The following ADAM29 variants were observed in gnomAD, a reference collection of about 807,000 sequenced individuals.
ADAM29 encodes the protein ADAM metallopeptidase domain 29.
For missense variants in ADAM29, 969 were observed against 1,001.8 expected, an observed-to-expected ratio of 0.97 and a Z score of 0.44; for synonymous variants, 367 against 342.3, an observed-to-expected ratio of 1.07 and a Z score of -0.80.
chr4:174,952,570 G>A (rs1015228362), intron 4 of ADAM29, among the ~76,000 whole-genome samples: 10 of 152,074 alleles, frequency 6.6e-5, no homozygotes, highest in Non-Finnish European at 1.5e-4. Flanking sequence ...ATCTTCCACA[G>A]GAATAGTCTA....
chr4:174,944,264 T>G (rs1744710482), intron 4 of ADAM29, among the ~76,000 whole-genome samples: 2 of 151,974 alleles, frequency 1.3e-5, no homozygotes, highest in East Asian at 3.9e-4. Flanking sequence ...TCTCAAGAAG[T>G]AAACACATTC....
intron 4 of ADAM29, among the ~76,000 whole-genome samples, chr4:174,937,241 G>C (rs1029725904): frequency 4.6e-5 from 7 of 151,910 alleles, no homozygotes; most frequent in Non-Finnish European, 7.4e-5. Flanking sequence ...CCTAAAGCTA[G>C]AATGAATTGT....
intron 1 of ADAM29, among the ~76,000 whole-genome samples, chr4:174,918,776 G>A (rs112973496): frequency 1.3e-5 from 2 of 151,942 alleles, no homozygotes; most frequent in African/African-American, 4.8e-5. Flanking sequence ...AAAAAACACA[G>A]GGCAGTGATA....
Position 174,975,954 on chromosome 4 carries a change from C to T in ADAM29, c.429C>T (p.Thr143=), listed in dbSNP as rs374379916. 1.4e-5 allele frequency: 22 copies of T among 1,613,856 alleles called. No individual in the cohort carries two copies. The highest frequency in any genetic ancestry group is 1.8e-5 in the Non-Finnish European group (21 of 1,179,990). The stretch of plus-strand genomic sequence containing the variant: ...AAATCAAGCCCCTAGCATTTTCTAC[C>T]ACGTTTGAACATCTGGTATACAAGA... ...AYEIKPLAFS[T]TFEHLVYKMD... Residue 143 remains threonine, a synonymous_variant, in exon 5 of 5, where the codon ACC becomes ACT. Coordinates refer to ENST00000359240, the MANE Select transcript of ADAM29 (RefSeq NM_014269.4).
rs1157364513 is a variant in ADAM29, at chr4:174,978,001, T to C, written c.*13T>C. The C allele has an allele frequency of 1.3e-6, 2 of 1,525,270 alleles. No individual in the cohort carries two copies. The highest frequency in any genetic ancestry group is 5.0e-5 in the East Asian group (2 of 39,644). 94.5% of individuals were successfully genotyped at this position (1,525,270 alleles called of 1,614,324 possible). ...GACGCCCTCCTAGAGCCAACCTCAGTTGATGCCTTCCCAGAGTCAACCTCC... is the reference window on the plus strand; with the variant it reads ...GACGCCCTCCTAGAGCCAACCTCAGCTGATGCCTTCCCAGAGTCAACCTCC... On this transcript the variant is annotated 3_prime_UTR_variant, in exon 5 of 5. Transcript: ENST00000359240.
At chr4:174,959,829 T>C (rs1745709439) in intron 4 of ADAM29, among the ~76,000 whole-genome samples, 1 of 151,972 alleles carries the variant, frequency 6.6e-6, no homozygotes, top group Admixed American at 6.6e-5. Flanking sequence ...GTTTTCTGCA[T>C]TTTATTTTTT....
At chr4:174,957,853 G>A (rs1205228967) in intron 4 of ADAM29, among the ~76,000 whole-genome samples, 1 of 151,788 alleles carries the variant, frequency 6.6e-6, no homozygotes, top group African/African-American at 2.4e-5. Flanking sequence ...TGCGATATTT[G>A]TTTCTGTATA....
chr4:174,952,129 A>C (rs1745212836), intron 4 of ADAM29, among the ~76,000 whole-genome samples: 1 of 152,186 alleles, frequency 6.6e-6, no homozygotes, highest in African/African-American at 2.4e-5. Flanking sequence ...GTATAACAAA[A>C]ATATATGCAT....
In ADAM29 at chr4:174,977,870, T is replaced by C. The variant is rs10009483; in HGVS notation, c.2345T>C (p.Met782Thr). The change falls in exon 5 of 5, where the codon ATG (methionine) becomes ACG (threonine). Residue 782 changes from methionine to threonine, a missense_variant. Physicochemically the swap from Met to Thr is moderately conservative, Grantham distance 81 (BLOSUM62 -1). Transcript: ENST00000359240. ...CCTTCTCAGAGTCAACCTCCTGTGA[T>C]GCCTTCCCAGAGTCATCCTCAGTTG... Reference protein sequence around the residue: ...VMPSQSQPPVMPSQSHPQLTP... With the variant: ...VMPSQSQPPVTPSQSHPQLTP... 0.017 allele frequency: 26,578 copies of C among 1,572,778 alleles called. 3,474 individuals are homozygous for C. In the African/African-American group the frequency reaches 0.31, roughly 18 times the overall value.
chr4:174,938,174 T>C (rs1324082416), intron 4 of ADAM29, among the ~76,000 whole-genome samples: 5 of 151,968 alleles, frequency 3.3e-5, no homozygotes, highest in Non-Finnish European at 7.4e-5. Context: ...AAATTCTAAG[T>C]GGAGATAACA....
At chr4:174,945,120 C>T (rs1189222792) in intron 4 of ADAM29, among the ~76,000 whole-genome samples, 5 of 152,066 alleles carry the variant, frequency 3.3e-5, no homozygotes, top group Non-Finnish European at 4.4e-5. Context: ...CCCATTAGAC[C>T]TGTATAAGCA....
chr4:174,956,735 T>C (rs1435789875), intron 4 of ADAM29, among the ~76,000 whole-genome samples: 1 of 151,822 alleles, frequency 6.6e-6, no homozygotes, highest in African/African-American at 2.4e-5. Context: ...TAAACACAGA[T>C]GGAAACCCTG....
At chr4:174,949,423 G>A (rs1745042860) in intron 4 of ADAM29, among the ~76,000 whole-genome samples, 1 of 152,190 alleles carries the variant, frequency 6.6e-6, no homozygotes, top group Admixed American at 6.5e-5. Context: ...TCAAGTGTCT[G>A]TGGGGGTCAG....
chr4:174,920,994 A>G (rs1743129178), intron 2 of ADAM29, among the ~76,000 whole-genome samples: 1 of 152,164 alleles, frequency 6.6e-6, no homozygotes, highest in South Asian at 2.1e-4. Flanking sequence ...AGTTCTCACC[A>G]AGATCTCTAA....
chr4:174,943,464 A>T (rs866366114), intron 4 of ADAM29, among the ~76,000 whole-genome samples: 4 of 152,320 alleles, frequency 2.6e-5, no homozygotes, highest in South Asian at 2.1e-4. Context: ...GAAAATGACA[A>T]CTATGGTGGA....
chr4:174,947,651 T>C (rs1744930741), intron 4 of ADAM29, among the ~76,000 whole-genome samples: 1 of 152,214 alleles, frequency 6.6e-6, no homozygotes. Flanking sequence ...AGAATTATTT[T>C]ATGGCTGATT....
At chr4:174,970,738 A>C (rs1412718175) in intron 4 of ADAM29, among the ~76,000 whole-genome samples, 1 of 152,150 alleles carries the variant, frequency 6.6e-6, no homozygotes, top group Non-Finnish European at 1.5e-5. Flanking sequence ...GGTAGTATTA[A>C]AATCTATATT....
intron 2 of ADAM29, among the ~76,000 whole-genome samples, chr4:174,929,682 A>AT (rs2110923865): frequency 6.6e-6 from 1 of 151,172 alleles, no homozygotes; most frequent in Non-Finnish European, 1.5e-5. Context: ...TGTCTGCCTC[A>AT]TTTTTGTATA....
intron 4 of ADAM29, among the ~76,000 whole-genome samples, chr4:174,950,015 T>C (rs930682053): frequency 6.6e-6 from 1 of 152,158 alleles, no homozygotes; most frequent in African/African-American, 2.4e-5. Flanking sequence ...CAATAACCTA[T>C]CTTGGATCTA....
Sources: allele counts gnomAD v4.1 joint callset (sites outside exome capture counted in the v4.1 genomes callset), GRCh38; gene constraint gnomAD v4.1.1; transcripts MANE v1.5; gene names NCBI Gene and HGNC (gene_info 2026-07-23, HGNC 2026-07-21).